Variants in ST6GALNAC3 observed in about 807,000 individuals in gnomAD.
The protein encoded by ST6GALNAC3 is alpha-N-acetylgalactosaminide alpha-2,6-sialyltransferase 3.
ST6GALNAC3 carries 25 observed loss-of-function variants against 32.7 expected under a neutral mutation model. The observed-to-expected ratio is 0.76, with a 90% CI of 0.56 to 1.07. ST6GALNAC3 has a LOEUF of 1.07. Ranked by LOEUF, ST6GALNAC3 falls within the 50% of genes least tolerant of loss-of-function variation. The probability of loss-of-function intolerance (pLI) is 0.00; values close to 1 mark genes in which losing one functional copy is unlikely to be tolerated. For synonymous variants in ST6GALNAC3, 129 were observed against 133.1 expected (o/e 0.97, Z 0.21); for missense variants, 355 against 382.4 (o/e 0.93, Z 0.60).
chr1:76,473,870 T>G (rs1659185884), intron 3 of ST6GALNAC3, among the ~76,000 whole-genome samples: 1 of 152,160 alleles, frequency 6.6e-6, no homozygotes, highest in South Asian at 2.1e-4. Flanking sequence ...AGTAGCACAG[T>G]GTGACTTCTG....
chr1:76,113,045 A>G (rs1648177540), intron 1 of ST6GALNAC3, among the ~76,000 whole-genome samples: 1 of 152,120 alleles, frequency 6.6e-6, no homozygotes, highest in African/African-American at 2.4e-5. Context: ...CAGCCTGGGC[A>G]CCATTGAGCA....
intron 1 of ST6GALNAC3, among the ~76,000 whole-genome samples, chr1:76,133,902 C>T (rs965845855): frequency 6.6e-5 from 10 of 152,138 alleles, no homozygotes; most frequent in Non-Finnish European, 8.8e-5. Context: ...GAGCCCCTCC[C>T]GATAACCAAT....
At chr1:76,082,938 A>G (rs1314667537) in intron 1 of ST6GALNAC3, among the ~76,000 whole-genome samples, 1 of 152,080 alleles carries the variant, frequency 6.6e-6, no homozygotes. Flanking sequence ...ATACATGCAC[A>G]TTCATTCAAT....
chr1:76,410,452 C>T (rs1051009359), intron 2 of ST6GALNAC3, among the ~76,000 whole-genome samples: 7 of 152,042 alleles, frequency 4.6e-5, no homozygotes, highest in Admixed American at 3.3e-4. Context: ...CACACACACA[C>T]GTGCACACAC....
chr1:76,380,418 T>G (rs762040135), intron 2 of ST6GALNAC3, among the ~76,000 whole-genome samples: 4 of 152,200 alleles, frequency 2.6e-5, no homozygotes, highest in Non-Finnish European at 4.4e-5. Context: ...TTGTTAGAAT[T>G]GAACATATGC....
chr1:76,448,362 G>A (rs992235891), intron 3 of ST6GALNAC3, among the ~76,000 whole-genome samples: 8 of 152,158 alleles, frequency 5.3e-5, no homozygotes, highest in Non-Finnish European at 1.2e-4. Flanking sequence ...TAGGCAGAAG[G>A]GACTTGTCTT....
At chr1:76,523,475 A>T (rs922961740) in intron 3 of ST6GALNAC3, among the ~76,000 whole-genome samples, 5 of 152,204 alleles carry the variant, frequency 3.3e-5, no homozygotes, top group Non-Finnish European at 5.9e-5. Context: ...TGCATTAGAA[A>T]AGGGTTACCC....
At chr1:76,218,973 G>T (rs1275323328) in intron 1 of ST6GALNAC3, among the ~76,000 whole-genome samples, 1 of 152,188 alleles carries the variant, frequency 6.6e-6, no homozygotes, top group African/African-American at 2.4e-5. Context: ...ATTATATAGT[G>T]TAGGTAGTAT....
In ST6GALNAC3 at chr1:76,412,463, T is replaced by C. The variant is rs749092682; in HGVS notation, c.623+46T>C. 9.2e-6 allele frequency: 14 copies of C among 1,526,062 alleles called. No individual in the cohort carries two copies. The South Asian group carries it at 1.6e-4, about 17-fold the overall frequency. 94.5% of individuals were successfully genotyped at this position (1,526,062 alleles called of 1,614,324 possible). ...CTTTATTGTCTTTTATTATCTTTTATGCTAAATCTTCGCCAATTCCTTTTG... is the reference window on the plus strand; with the variant it reads ...CTTTATTGTCTTTTATTATCTTTTACGCTAAATCTTCGCCAATTCCTTTTG... On this transcript the variant is annotated intron_variant, in intron 3 of 4. Coordinates refer to ENST00000328299, the MANE Select transcript of ST6GALNAC3 (RefSeq NM_152996.4).
chr1:76,618,715 A>T (rs950004989), intron 3 of ST6GALNAC3, among the ~76,000 whole-genome samples: 46 of 152,132 alleles, frequency 3.0e-4, no homozygotes, highest in Admixed American at 3.3e-4. Context: ...TGAAGGAACA[A>T]CCCCTACCTT....
chr1:76,314,145 T>C, intron 2 of ST6GALNAC3, 146 bp downstream of exon 2: 2 of 670,470 alleles, frequency 3.0e-6, no homozygotes, highest in Non-Finnish European at 4.8e-6. Context: ...TTCTGTCTTA[T>C]TATTCTTAGA....
chr1:76,321,797 A>G (rs1199276720), intron 2 of ST6GALNAC3, among the ~76,000 whole-genome samples: 1 of 152,214 alleles, frequency 6.6e-6, no homozygotes, highest in Non-Finnish European at 1.5e-5. Flanking sequence ...AAATGGCTGG[A>G]CAAGACTGAC....
intron 2 of ST6GALNAC3, among the ~76,000 whole-genome samples, chr1:76,409,057 C>A (rs754301424): frequency 2.5e-4 from 38 of 152,262 alleles, no homozygotes; most frequent in Middle Eastern, 3.4e-3. Flanking sequence ...AGGTAGGCTC[C>A]TAAGAGGTTG....
At chr1:76,551,939 G>A (rs557687192) in intron 3 of ST6GALNAC3, among the ~76,000 whole-genome samples, 2 of 152,282 alleles carry the variant, frequency 1.3e-5, no homozygotes, top group East Asian at 3.9e-4. Context: ...TGGGGGCAGT[G>A]GGGTCACTGC....
At chr1:76,450,515 G>A (rs1657317109) in intron 3 of ST6GALNAC3, among the ~76,000 whole-genome samples, 2 of 152,118 alleles carry the variant, frequency 1.3e-5, no homozygotes, top group East Asian at 1.9e-4. Flanking sequence ...CCACTCTACA[G>A]GTTGTCTGTT....
chr1:76,359,920 A>C (rs1430305136), intron 2 of ST6GALNAC3, among the ~76,000 whole-genome samples: 2 of 152,204 alleles, frequency 1.3e-5, no homozygotes, highest in Non-Finnish European at 2.9e-5. Flanking sequence ...TGACTCCCAA[A>C]CATACATCTT....
At chr1:76,139,040 A>G (rs1650131714) in intron 1 of ST6GALNAC3, among the ~76,000 whole-genome samples, 2 of 152,056 alleles carry the variant, frequency 1.3e-5, no homozygotes, top group Non-Finnish European at 2.9e-5. Context: ...TAAAAATACA[A>G]AAAATTAGCT....
At chr1:76,079,057 C>T (rs983584634) in intron 1 of ST6GALNAC3, among the ~76,000 whole-genome samples, 33 of 152,228 alleles carry the variant, frequency 2.2e-4, no homozygotes, top group African/African-American at 7.2e-4. Flanking sequence ...GCTGGGATTA[C>T]AGGCATGAGC....
chr1:76,223,545 C>T (rs546219456), intron 1 of ST6GALNAC3, among the ~76,000 whole-genome samples: 1 of 152,024 alleles, frequency 6.6e-6, no homozygotes, highest in African/African-American at 2.4e-5. Flanking sequence ...GCACATGTAC[C>T]CCTGAACTTA....
Sources: gnomAD v4.1 joint callset for allele counts (sites outside exome capture counted in the v4.1 genomes callset) on GRCh38, gnomAD v4.1.1 for gene constraint, MANE v1.5 for transcripts, NCBI Gene and HGNC (gene_info 2026-07-23, HGNC 2026-07-21) for gene names.